MUC6: variants seen among roughly 807,000 people sequenced by gnomAD.
The protein encoded by MUC6 is mucin-6.
MUC6 carries 188 observed loss-of-function variants against 201.5 expected under a neutral mutation model. The ratio of observed to expected loss-of-function variants is 0.93; its 90% confidence interval spans 0.83 to 1.05. The LOEUF is 1.05. MUC6 is among the 50% of genes least tolerant of loss of function. MUC6 has a pLI of 0.00. For missense variants in MUC6, 2,706 were observed against 3,256.9 expected (o/e 0.83, Z 4.12); for synonymous variants, 1,228 against 1,389.4 (o/e 0.88, Z 2.58).
Position 1,016,054 on chromosome 11 carries a change from C to T in MUC6, c.6747G>A (p.Pro2249=), listed in dbSNP as rs370566809. The T allele has an allele frequency of 5.0e-5, 80 of 1,611,288 alleles. No individual in the cohort carries two copies. In the East Asian group the frequency reaches 1.0e-3, roughly 20 times the overall value. Reference sequence around the variant, plus strand: ...TGCTGGCCGTGGTCCTGGGCGTGGACGGAAATGCAATGGTGCTGGAGGCTA... The same window carrying T: ...TGCTGGCCGTGGTCCTGGGCGTGGATGGAAATGCAATGGTGCTGGAGGCTA... ...SHLASSTIAF[P]STPRTTASTH... is the part of the protein sequence containing the mutation. The change falls in exon 31 of 33, where the codon CCG becomes CCA. Residue 2249 remains proline, a synonymous_variant. Coordinates refer to ENST00000421673, the MANE Select transcript of MUC6 (RefSeq NM_005961.3).
At chr11:1,022,848 A>T (rs1564838712) in intron 26 of MUC6, among the ~76,000 whole-genome samples, 1 of 152,180 alleles carries the variant, frequency 6.6e-6, no homozygotes, top group Non-Finnish European at 1.5e-5. Flanking sequence ...TGAATGAATG[A>T]ATATGTGTGA....
At chr11:1,019,129 C>T in intron 30 of MUC6, 146 bp downstream of exon 30, 2 of 1,023,272 alleles carry the variant, frequency 2.0e-6, no homozygotes, top group South Asian at 1.6e-5. Context: ...TCCTTGCCTC[C>T]AGCTCCAGCC....
At position 1,030,643 on chromosome 11, in the gene MUC6, CAG is replaced by C; in HGVS notation, c.820_821del (p.Leu274ValfsTer70). On this transcript the variant is annotated frameshift_variant, in exon 7 of 33. Transcript: ENST00000421673. LOFTEE classifies it high-confidence loss of function. ...TGCTGCACTGGCGGGAGTACTCCGA[CAG>C]GGTGGCACAACTGCTGTTCTGTGGG... ...PGPQNSSCAT[L>X]SEYSRQCSMV... The C allele has an allele frequency of 6.5e-7, 1 of 1,544,886 alleles. No individual in the cohort carries two copies. The highest frequency in any genetic ancestry group is 8.7e-7 in the Non-Finnish European group (1 of 1,146,642).
At position 1,028,312 on chromosome 11, in the gene MUC6, G is replaced by C; in HGVS notation, c.1667C>G (p.Ser556Trp). Residue 556 changes from serine (S) to tryptophan (W), a missense_variant, in exon 14 of 33, where the codon TCG becomes TGG. Ser to Trp is a radical substitution (Grantham distance 177). Coordinates refer to ENST00000421673, the MANE Select transcript of MUC6 (RefSeq NM_005961.3). ...TSMGIAEGTASLFVDSWRAGN... is the reference protein window; with the variant it reads ...TSMGIAEGTAWLFVDSWRAGN... ...CGCCCGCCAGGAGTCCACAAACAGCGAGGCGGTGCCCTCGGCGATACCCAT... is the reference window on the plus strand; with the variant it reads ...CGCCCGCCAGGAGTCCACAAACAGCCAGGCGGTGCCCTCGGCGATACCCAT... The C allele has an allele frequency of 6.2e-7, 1 of 1,612,058 alleles. No homozygotes were observed. Among genetic ancestry groups the C allele is most frequent in the Non-Finnish European group, 8.5e-7 (1 of 1,179,668 alleles).
In MUC6 at chr11:1,027,181, G is replaced by A. The variant is rs372096909; in HGVS notation, c.2244C>T (p.Asn748=). 7.4e-6 allele frequency: 12 copies of A among 1,612,426 alleles called. No homozygotes were observed. In the African/African-American group the frequency reaches 8.0e-5, roughly 11 times the overall value. The part of the protein sequence containing the change: ...VINGITCHCI[N]GRLSCPQRPQ... ...GCCGCTGCGGGCAACTCAGCCGCCCGTTGATGCAGTGGCTGCAAGAGAGAG... is the reference window on the plus strand; with the variant it reads ...GCCGCTGCGGGCAACTCAGCCGCCCATTGATGCAGTGGCTGCAAGAGAGAG... Residue 748 remains asparagine (N), a synonymous_variant, in exon 18 of 33, where the codon AAC becomes AAT. Coordinates refer to ENST00000421673, the MANE Select transcript of MUC6 (RefSeq NM_005961.3).
At position 1,016,596 on chromosome 11, in the gene MUC6, T is replaced by G. The variant is rs772062430; in HGVS notation, c.6205A>C (p.Ser2069Arg). 1.2e-6 allele frequency: 2 copies of G among 1,613,742 alleles called. No individual in the cohort carries two copies. Among genetic ancestry groups the G allele is most frequent in the Non-Finnish European group, 1.7e-6 (2 of 1,179,606 alleles). ...HTAPPMTVTT[S>R]GTSQTHSSFS... ...GAGCTGTGGGTTTGGCTGGTCCCAC[T>G]GGTGGTCACTGTCATTGGTGGGGCT... The change falls in exon 31 of 33, where the codon AGT becomes CGT. Residue 2069 changes from serine (S) to arginine (R), a missense_variant. This residue lies in a region of MUC6 where 586 missense variants were observed against 488.0 expected (regional missense o/e 1.20). Transcript: ENST00000421673.
rs745582178 is a variant in MUC6, at chr11:1,025,302, G to A, written c.2865C>T (p.Leu955=). The change falls in exon 23 of 33, where the codon CTC becomes CTT. Residue 955 remains leucine, a synonymous_variant. Coordinates refer to ENST00000421673, the MANE Select transcript of MUC6 (RefSeq NM_005961.3). ...GGCTCAGCGCACCCGGCGTCACCCCGAGCTGCACGTGGGGCTCCTCCCCGG... is the reference window on the plus strand; with the variant it reads ...GGCTCAGCGCACCCGGCGTCACCCCAAGCTGCACGTGGGGCTCCTCCCCGG... The part of the protein sequence containing the change: ...TVTGEEPHVQ[L]GVTPGALSLV... 7 of 1,612,534 alleles carry A rather than the reference G, an allele frequency of 4.3e-6. No individual in the cohort carries two copies. Among genetic ancestry groups the A allele is most frequent in the South Asian group, 2.2e-5 (2 of 91,090 alleles).
intron 31 of MUC6, among the ~76,000 whole-genome samples, chr11:1,014,646 C>T (rs1029606074): frequency 2.6e-5 from 4 of 152,292 alleles, no homozygotes; most frequent in East Asian, 1.9e-4. Flanking sequence ...CACTGGAGAG[C>T]GTGGGTTTAA....
At chr11:1,030,366 T>TGCCACCCCCCCCCCCCCCC in intron 7 of MUC6, 31 bp from the exon 8 acceptor site, 1 of 1,489,594 alleles carries the variant, frequency 6.7e-7, no homozygotes, top group Non-Finnish European at 9.1e-7. Flanking sequence ...GGTGAGAGGG[T>TGCCACCCCCCCCCCCCCCC]CCCACCCCCC....
In MUC6 at chr11:1,026,931, G is replaced by A. The variant is rs1856974159; in HGVS notation, c.2394+10C>T. 11 of 1,564,450 alleles carry A rather than the reference G, an allele frequency of 7.0e-6. No homozygotes were observed. The Admixed American group carries it at 7.6e-5, about 11-fold the overall frequency. ...CGGGCATTGTCCCTGCTCCTCGCGC[G>A]CCCCCTTACGCAGGCAACACCGGTG... On this transcript the variant is annotated intron_variant, in intron 19 of 32. Coordinates refer to ENST00000421673, the MANE Select transcript of MUC6 (RefSeq NM_005961.3).
intron 1 of MUC6, 124 bp downstream of exon 1, chr11:1,036,480 G>A: frequency 8.8e-7 from 1 of 1,131,314 alleles, no homozygotes; most frequent in Non-Finnish European, 1.2e-6. Context: ...CCGAGCTGGG[G>A]CCTCCCGTCC....
chr11:1,026,555 C>A, intron 19 of MUC6, 77 bp from the exon 20 acceptor site: 1 of 1,414,894 alleles, frequency 7.1e-7, no homozygotes, highest in Non-Finnish European at 9.3e-7. Context: ...CCCTCTGAGA[C>A]TGCCCGGCGT....
chr11:1,028,823 C>A, intron 12 of MUC6, 40 bp from the exon 13 acceptor site: 1 of 1,609,200 alleles, frequency 6.2e-7, no homozygotes, highest in South Asian at 1.1e-5. Context: ...TGGGCTCCCT[C>A]CCCACCCACT....
chr11:1,030,370 A>AAAC, intron 7 of MUC6, 35 bp from the exon 8 acceptor site: 1 of 992,838 alleles, frequency 1.0e-6, no homozygotes, highest in Non-Finnish European at 1.3e-6. Flanking sequence ...AGAGGGTCCC[A>AAAC]CCCCCCCCAC....
rs749917601 is a variant in MUC6 at position 1,013,212 on chromosome 11, G to A, written c.*244C>T. The stretch of plus-strand genomic sequence containing the variant: ...AGTGCCCTGTGTGCCTGGGAGGTCC[G>A]TGACCACTGTCCGCCTCAGTCCCTC... On this transcript the variant is annotated 3_prime_UTR_variant, in exon 33 of 33. Coordinates refer to ENST00000421673, the MANE Select transcript of MUC6 (RefSeq NM_005961.3). The A allele has an allele frequency of 1.9e-4, 106 of 550,710 alleles. 1 individual carries two copies. The highest frequency in any genetic ancestry group is 9.4e-4 in the Middle Eastern group (2 of 2,138). 34.1% of individuals were successfully genotyped at this position (550,710 alleles called of 1,614,324 possible).
At chr11:1,025,497 G>A (rs1856934456) in intron 22 of MUC6, 130 bp from the exon 23 acceptor site, 1 of 1,132,132 alleles carries the variant, frequency 8.8e-7, no homozygotes, top group African/African-American at 1.5e-5. Flanking sequence ...CGCCTGCTGA[G>A]AGCCAGCTTG....
At chr11:1,024,533 C>T (rs917559320) in intron 24 of MUC6, among the ~76,000 whole-genome samples, 6 of 152,218 alleles carry the variant, frequency 3.9e-5, no homozygotes, top group African/African-American at 1.4e-4. Flanking sequence ...CTGGAGGTCT[C>T]CCTGACCACC....
Position 1,026,018 on chromosome 11 carries a change from G to C in MUC6, c.2670C>G (p.Cys890Trp). ...DGQRFVFDGNCEYILATDVCG... is the reference protein window; with the variant it reads ...DGQRFVFDGNWEYILATDVCG... ...TGGTTACCGTGGCCAGGATGTACTC[G>C]CAGTTGCCGTCGAATACGAAGCGCT... is the stretch of plus-strand genomic sequence containing the variant. The change falls in exon 21 of 33, where the codon TGC becomes TGG. Residue 890 changes from cysteine (C) to tryptophan (W), a missense_variant. Cys to Trp is a radical substitution (Grantham distance 215). Transcript: ENST00000421673. The C allele has an allele frequency of 6.3e-7, 1 of 1,587,628 alleles. No homozygotes were observed. The highest frequency in any genetic ancestry group is 8.6e-7 in the Non-Finnish European group (1 of 1,167,500).
rs764092882 is a variant in MUC6, at chr11:1,015,762, C to T, written c.7039G>A (p.Gly2347Arg). The T allele has an allele frequency of 1.8e-5, 27 of 1,528,868 alleles. No homozygotes were observed. Among genetic ancestry groups the T allele is most frequent in the South Asian group, 6.5e-5 (5 of 76,806 alleles). 94.7% of individuals were successfully genotyped at this position (1,528,868 alleles called of 1,614,324 possible). A position where few individuals can be genotyped will look rare whatever the true frequency, so the allele number is the denominator to read the frequency against. The change falls in exon 31 of 33, where the codon GGG becomes AGG. Residue 2347 changes from glycine (G) to arginine (R), a missense_variant and splice_region_variant. Physicochemically the swap from Gly to Arg is moderately radical, Grantham distance 125. Around this residue, in one of 10 missense-constraint regions of MUC6, gnomAD observed 586 missense variants for 488.0 expected, o/e 1.20. Transcript: ENST00000421673. ...SLGTPTPTSP[G>R]VCSVREQQEE... ...GAAGGGCCACAGAGATGCCACTTACCGGGTGAGGTGGGCGTAGGTGTCCCG... is the reference window on the plus strand; with the variant it reads ...GAAGGGCCACAGAGATGCCACTTACTGGGTGAGGTGGGCGTAGGTGTCCCG...
Sources: gnomAD v4.1 joint callset for allele counts (sites outside exome capture counted in the v4.1 genomes callset) on GRCh38, gnomAD v4.1.1 for gene constraint, gnomAD v4.1.1 regional missense constraint, MANE v1.5 for transcripts, NCBI Gene and HGNC (gene_info 2026-07-23, HGNC 2026-07-21) for gene names.